The following PAX5 variants were observed in gnomAD, a reference collection of about 807,000 sequenced individuals.
PAX5 encodes paired box protein Pax-5.
A neutral mutation model predicts 43.7 loss-of-function variants in PAX5; 9 were observed. The observed-to-expected ratio is 0.21, with a 90% CI of 0.12 to 0.36. PAX5 has a LOEUF of 0.36. PAX5 is among the 10% of genes least tolerant of loss of function. PAX5 has a pLI of 1.00. For missense variants in PAX5, 383 were observed against 532.7 expected, an observed-to-expected ratio of 0.72 and a Z score of 2.77; for synonymous variants, 228 against 214.3, an observed-to-expected ratio of 1.06 and a Z score of -0.56.
chr9:36,884,087 C>G (rs1826709036), intron 7 of PAX5, among the ~76,000 whole-genome samples: 1 of 152,204 alleles, frequency 6.6e-6, no homozygotes, highest in East Asian at 1.9e-4. Flanking sequence ...TCAAGAGACA[C>G]ATATCTCAGT....
At chr9:36,879,286 A>T (rs1826190422) in intron 8 of PAX5, among the ~76,000 whole-genome samples, 1 of 152,228 alleles carries the variant, frequency 6.6e-6, no homozygotes, top group Admixed American at 6.5e-5. Context: ...CCTGGTAATT[A>T]GGGCTGGAGG....
chr9:36,896,180 A>G (rs968637167), intron 7 of PAX5, among the ~76,000 whole-genome samples: 14 of 152,176 alleles, frequency 9.2e-5, no homozygotes, highest in East Asian at 5.8e-4. Context: ...GAAAAAGTCA[A>G]TAGGTAAGTA....
chr9:36,847,396 C>A (rs1469976182), intron 8 of PAX5, among the ~76,000 whole-genome samples: 6 of 152,196 alleles, frequency 3.9e-5, no homozygotes, highest in Admixed American at 6.5e-5. Flanking sequence ...TGATGAGTGG[C>A]TCTGGACAGA....
intron 9 of PAX5, among the ~76,000 whole-genome samples, chr9:36,842,672 T>C (rs1822170079): frequency 6.6e-6 from 1 of 152,234 alleles, no homozygotes; most frequent in African/African-American, 2.4e-5. Flanking sequence ...ATTTACTGCT[T>C]GACACAGTCA....
At chr9:36,949,561 C>T (rs1258462831) in intron 6 of PAX5, among the ~76,000 whole-genome samples, 1 of 152,208 alleles carries the variant, frequency 6.6e-6, no homozygotes, top group East Asian at 1.9e-4. Context: ...AGCCTACATT[C>T]ACTTTTATTA....
intron 6 of PAX5, among the ~76,000 whole-genome samples, chr9:36,950,974 C>A (rs1832955011): frequency 6.6e-6 from 1 of 152,082 alleles, no homozygotes; most frequent in South Asian, 2.1e-4. Context: ...AAACTCCTGA[C>A]CTCGTGATCC....
chr9:36,999,103 A>G (rs10973161), intron 5 of PAX5, among the ~76,000 whole-genome samples: 11,214 of 152,162 alleles, frequency 0.074, 758 homozygotes, highest in East Asian at 0.2. Context: ...GCTCAAAACT[A>G]TCTCCCTAAA....
chr9:36,855,483 A>C (rs1410305279), intron 8 of PAX5, among the ~76,000 whole-genome samples: 3 of 147,684 alleles, frequency 2.0e-5, no homozygotes, highest in Non-Finnish European at 4.5e-5. Flanking sequence ...TCATCTAAGC[A>C]AACAATGGGC....
chr9:36,915,314 A>G (rs1330971578), intron 7 of PAX5, among the ~76,000 whole-genome samples: 1 of 152,252 alleles, frequency 6.6e-6, no homozygotes, highest in Non-Finnish European at 1.5e-5. Flanking sequence ...GATTGCATCA[A>G]TGTATGCTCT....
intron 8 of PAX5, among the ~76,000 whole-genome samples, chr9:36,857,640 ACCGAAAT>A (rs1823802885): frequency 6.6e-6 from 1 of 152,228 alleles, no homozygotes; most frequent in South Asian, 2.1e-4. Context: ...TTTAGTGGGT[ACCGAAAT>A]CTGTCCCATC....
chr9:37,005,950 AC>A (rs1261192949), intron 4 of PAX5, among the ~76,000 whole-genome samples: 2 of 152,010 alleles, frequency 1.3e-5, no homozygotes, highest in Admixed American at 1.3e-4. Context: ...AGCACTGGAA[AC>A]CCCACTGGCA....
At chr9:36,845,846 A>C (rs1233595962) in intron 9 of PAX5, among the ~76,000 whole-genome samples, 1 of 152,230 alleles carries the variant, frequency 6.6e-6, no homozygotes, top group African/African-American at 2.4e-5. Flanking sequence ...TCTCAGTCCC[A>C]AAATAATTAA....
chr9:36,885,736 A>T (rs934306594), intron 7 of PAX5, among the ~76,000 whole-genome samples: 1 of 152,196 alleles, frequency 6.6e-6, no homozygotes, highest in African/African-American at 2.4e-5. Flanking sequence ...CAGAGGGAAG[A>T]TGTGTGAGAA....
chr9:36,904,466 G>A (rs1027543192), intron 7 of PAX5, among the ~76,000 whole-genome samples: 1 of 152,160 alleles, frequency 6.6e-6, no homozygotes, highest in Admixed American at 6.5e-5. Flanking sequence ...GTGCCCCTAA[G>A]CATTCATGCC....
At chr9:36,879,054 C>CCA (rs941790977) in intron 8 of PAX5, among the ~76,000 whole-genome samples, 1 of 152,192 alleles carries the variant, frequency 6.6e-6, no homozygotes, top group Non-Finnish European at 1.5e-5. Flanking sequence ...GGCTCCTCTG[C>CCA]CGAAGTGCTT....
intron 9 of PAX5, among the ~76,000 whole-genome samples, chr9:36,842,930 G>A (rs1034723992): frequency 6.6e-6 from 1 of 152,202 alleles, no homozygotes; most frequent in Admixed American, 6.5e-5. Flanking sequence ...TTCCTGGGAA[G>A]GAGGCTTCAG....
chr9:36,895,609 G>A (rs978007439), intron 7 of PAX5, among the ~76,000 whole-genome samples: 15 of 152,194 alleles, frequency 9.9e-5, no homozygotes, highest in Admixed American at 6.5e-4. Context: ...TTAGGAAGCC[G>A]CCTGGCCCAT....
chr9:36,902,138 G>A (rs1461058752), intron 7 of PAX5, among the ~76,000 whole-genome samples: 1 of 152,134 alleles, frequency 6.6e-6, no homozygotes, highest in Non-Finnish European at 1.5e-5. Context: ...AAAGGTGAGA[G>A]AAAGAAGAAA....
rs113337021 is a variant in PAX5, at chr9:36,931,575, G to A, written c.781-8091C>T. ...CAAAAAACAAAAAACATGGCCAGGCGCGGTGGCTCACGCCTGTAATTACAG... is the reference window on the plus strand; with the variant it reads ...CAAAAAACAAAAAACATGGCCAGGCACGGTGGCTCACGCCTGTAATTACAG... On this transcript the variant is annotated intron_variant, in intron 6 of 9. Coordinates refer to ENST00000358127, the MANE Select transcript of PAX5 (RefSeq NM_016734.3). Among the ~76,000 whole-genome samples the A allele has an allele frequency of 9.9e-3, 1,506 of 152,272 alleles. 20 individuals carry two copies. The highest frequency in any genetic ancestry group is 0.035 in the African/African-American group (1,474 of 41,548).
Sources: gnomAD v4.1 joint callset for allele counts (sites outside exome capture counted in the v4.1 genomes callset) on GRCh38, gnomAD v4.1.1 for gene constraint, MANE v1.5 for transcripts, NCBI Gene and HGNC (gene_info 2026-07-23, HGNC 2026-07-21) for gene names.